The following OSBP2 variants were observed in gnomAD, a reference collection of about 807,000 sequenced individuals.
OSBP2 encodes the protein oxysterol-binding protein 2.
OSBP2 carries 66 observed loss-of-function variants against 96.0 expected under a neutral mutation model. The ratio of observed to expected loss-of-function variants is 0.69; its 90% CI spans 0.56 to 0.84. OSBP2 has a LOEUF of 0.84. Among genes scored for constraint, OSBP2 ranks in the 40% least tolerant of loss-of-function variants. The pLI is 0.00. For missense variants in OSBP2, 1,038 were observed against 1,222.7 expected, an observed-to-expected ratio of 0.85 and a Z score of 2.25; for synonymous variants, 525 against 520.9, an observed-to-expected ratio of 1.01 and a Z score of -0.11.
chr22:30,695,962 G>T (rs911532802), intron 1 of OSBP2, among the ~76,000 whole-genome samples: 2 of 152,076 alleles, frequency 1.3e-5, no homozygotes, highest in African/African-American at 2.4e-5. Context: ...ACCTTGTTCA[G>T]TCCTTAGGAC....
chr22:30,792,948 A>G (rs1374359872), intron 2 of OSBP2, among the ~76,000 whole-genome samples: 1 of 152,224 alleles, frequency 6.6e-6, no homozygotes, highest in African/African-American at 2.4e-5. Context: ...ACTTGTCCAC[A>G]ATCACTGAGT....
At chr22:30,905,579 G>A (rs770349467) in intron 12 of OSBP2, among the ~76,000 whole-genome samples, 5 of 152,246 alleles carry the variant, frequency 3.3e-5, no homozygotes, top group Non-Finnish European at 2.9e-5. Flanking sequence ...TCCCAGATAA[G>A]TCTAATGTGG....
intron 2 of OSBP2, among the ~76,000 whole-genome samples, chr22:30,798,414 A>T (rs893115393): frequency 6.6e-6 from 1 of 152,086 alleles, no homozygotes; most frequent in Non-Finnish European, 1.5e-5. Context: ...GGAGGCATAA[A>T]TTTTTTAATT....
intron 2 of OSBP2, among the ~76,000 whole-genome samples, chr22:30,850,916 A>G (rs2038967813): frequency 6.6e-6 from 1 of 152,234 alleles, no homozygotes; most frequent in Non-Finnish European, 1.5e-5. Context: ...TATTTTAACA[A>G]TATTTAAGTT....
chr22:30,753,082 C>T (rs747506901), intron 2 of OSBP2, among the ~76,000 whole-genome samples: 26 of 152,052 alleles, frequency 1.7e-4, no homozygotes, highest in Non-Finnish European at 3.1e-4. Context: ...TGTGGCACTT[C>T]GAATTTTTTT....
intron 12 of OSBP2, among the ~76,000 whole-genome samples, chr22:30,900,982 T>C (rs989096592): frequency 2.6e-5 from 4 of 152,230 alleles, no homozygotes; most frequent in African/African-American, 9.6e-5. Flanking sequence ...AAGGTAATCA[T>C]AATATCTACC....
intron 8 of OSBP2, among the ~76,000 whole-genome samples, chr22:30,892,167 A>G (rs2039963574): frequency 6.6e-6 from 1 of 151,822 alleles, no homozygotes; most frequent in African/African-American, 2.4e-5. Context: ...GAAGGGCAGG[A>G]AGGGTTTGCT....
chr22:30,701,520 T>A (rs1305909900), intron 1 of OSBP2, among the ~76,000 whole-genome samples: 1 of 152,012 alleles, frequency 6.6e-6, no homozygotes, highest in Admixed American at 6.6e-5. Context: ...ATTTTTTGTA[T>A]TTTTAGTACA....
At chr22:30,854,175 G>A (rs2039033110) in intron 2 of OSBP2, among the ~76,000 whole-genome samples, 1 of 152,034 alleles carries the variant, frequency 6.6e-6, no homozygotes, top group Non-Finnish European at 1.5e-5. Flanking sequence ...TTACAACAGT[G>A]TACTTCTGTT....
intron 2 of OSBP2, among the ~76,000 whole-genome samples, chr22:30,785,336 A>C (rs999291027): frequency 6.6e-6 from 1 of 152,094 alleles, no homozygotes; most frequent in South Asian, 2.1e-4. Flanking sequence ...TGGGAGGCCA[A>C]GGCAAGTGGA....
At chr22:30,725,175 C>CA (rs373104187) in intron 1 of OSBP2, among the ~76,000 whole-genome samples, 71,050 of 119,412 alleles carry the variant, frequency 0.59, 20,479 homozygotes, top group Middle Eastern at 0.63. Context: ...GACTCTGTCT[C>CA]AAAAACAAAA....
intron 2 of OSBP2, among the ~76,000 whole-genome samples, chr22:30,861,054 A>G (rs2039201260): frequency 6.6e-6 from 1 of 152,108 alleles, no homozygotes; most frequent in Admixed American, 6.5e-5. Context: ...GACTTTGACC[A>G]TGTGCCCTGG....
chr22:30,829,957 G>C (rs893566716), intron 2 of OSBP2, among the ~76,000 whole-genome samples: 1 of 152,214 alleles, frequency 6.6e-6, no homozygotes, highest in African/African-American at 2.4e-5. Context: ...GGAGACTTCA[G>C]TGAAAAGATC....
chr22:30,730,398 C>T (rs1437194743), intron 1 of OSBP2, among the ~76,000 whole-genome samples: 10 of 152,004 alleles, frequency 6.6e-5, no homozygotes, highest in Admixed American at 6.6e-4. Context: ...TTTATTTCCC[C>T]CCACTTATTG....
rs1164637727 is a variant in OSBP2 at position 30,890,338 on chromosome 22, C to T, written c.1624-390C>T. 1.3e-5 allele frequency among the ~76,000 whole-genome samples: 2 copies of T among 152,072 alleles called. No individual in the cohort carries two copies. Among genetic ancestry groups the T allele is most frequent in the South Asian group, 2.1e-4 (1 of 4,820 alleles). ...TGCCGGGCCCCATCACAGCTCGCAA[C>T]ATGGGGAAGACCCACTTCCTCCACC... On this transcript the variant is annotated intron_variant, in intron 7 of 13. Transcript: ENST00000332585. This position sits in a 1 kb window ranked among gnomAD's most constrained non-coding sequence, Gnocchi z 4.4.
chr22:30,815,478 T>C (rs1333745737), intron 2 of OSBP2, among the ~76,000 whole-genome samples: 3 of 152,132 alleles, frequency 2.0e-5, no homozygotes. Flanking sequence ...ATTAATTGAG[T>C]GTATTATAGC....
At chr22:30,851,556 C>A (rs1470054033) in intron 2 of OSBP2, among the ~76,000 whole-genome samples, 2 of 151,956 alleles carry the variant, frequency 1.3e-5, no homozygotes, top group African/African-American at 4.8e-5. Context: ...TCATTTCTTC[C>A]TTTCTAACCC....
chr22:30,704,612 G>T (rs1227001425), intron 1 of OSBP2, among the ~76,000 whole-genome samples: 1 of 151,736 alleles, frequency 6.6e-6, no homozygotes, highest in Non-Finnish European at 1.5e-5. Context: ...TGCCTCCTGG[G>T]TTCAAGATAT....
At chr22:30,765,007 T>C (rs1376077273) in intron 2 of OSBP2, among the ~76,000 whole-genome samples, 3 of 152,122 alleles carry the variant, frequency 2.0e-5, no homozygotes, top group Non-Finnish European at 4.4e-5. Context: ...TCAGATCCGA[T>C]GGTCATATGG....
Sources: allele counts gnomAD v4.1 joint callset (sites outside exome capture counted in the v4.1 genomes callset), GRCh38; gene constraint gnomAD v4.1.1; non-coding constraint Gnocchi (gnomAD v3.1); transcripts MANE v1.5; gene names NCBI Gene and HGNC (gene_info 2026-07-23, HGNC 2026-07-21).